Variants in CRPPA observed in about 807,000 individuals in gnomAD.
CRPPA encodes the protein D-ribitol-5-phosphate cytidylyltransferase.
In CRPPA, 43 loss-of-function variants were observed where a neutral mutation model predicts 52.0. The observed-to-expected ratio is 0.83, with a 90% CI of 0.65 to 1.07. The LOEUF is 1.07. Ranked by LOEUF, CRPPA falls within the 50% of genes least tolerant of loss-of-function variation. The pLI, the probability that CRPPA is intolerant of heterozygous loss-of-function variation, is 0.00. For synonymous variants in CRPPA, 250 were observed against 203.5 expected, an observed-to-expected ratio of 1.23 and a Z score of -1.94; for missense variants, 629 against 551.7, an observed-to-expected ratio of 1.14 and a Z score of -1.40.
intron 8 of CRPPA, among the ~76,000 whole-genome samples, chr7:16,241,163 A>G (rs115432940): frequency 0.013 from 1,943 of 152,274 alleles, 49 homozygotes; most frequent in African/African-American, 0.044. Context: ...ATGTGAAAAT[A>G]TCAAGTGTAA....
intron 9 of CRPPA, among the ~76,000 whole-genome samples, chr7:16,099,407 G>A (rs1223149908): frequency 4.3e-4 from 58 of 133,360 alleles, no homozygotes; most frequent in Non-Finnish European, 4.8e-4. Flanking sequence ...AGGAAGGGGA[G>A]GGAAGGGGAG....
At chr7:16,399,415 CAT>C (rs10551933) in intron 2 of CRPPA, among the ~76,000 whole-genome samples, 72,724 of 151,796 alleles carry the variant, frequency 0.48, 18,474 homozygotes, top group African/African-American at 0.64. Flanking sequence ...ACCTTTGTGA[CAT>C]GTGACAAGTG....
chr7:16,102,283 T>A (rs1583356177), intron 9 of CRPPA, among the ~76,000 whole-genome samples: 1 of 152,278 alleles, frequency 6.6e-6, no homozygotes, highest in East Asian at 1.9e-4. Flanking sequence ...GACCCCTTCC[T>A]TATACCTTAT....
intron 8 of CRPPA, chr7:16,216,712 C>G (rs553680499): frequency 1.3e-5 from 2 of 154,576 alleles, no homozygotes; most frequent in African/African-American, 4.8e-5. Context: ...CACTCCCACC[C>G]GAATATTGCG....
intron 1 of CRPPA, among the ~76,000 whole-genome samples, chr7:16,414,403 C>CA (rs1788142930): frequency 1.5e-5 from 2 of 132,764 alleles, no homozygotes; most frequent in African/African-American, 2.7e-5. Context: ...ACACACACAC[C>CA]CCATGACACT....
At chr7:16,282,319 T>C (rs189919458) in intron 5 of CRPPA, among the ~76,000 whole-genome samples, 1 of 152,234 alleles carries the variant, frequency 6.6e-6, no homozygotes, top group African/African-American at 2.4e-5. Context: ...AACATCTAAT[T>C]TCTATTGTGG....
At chr7:16,119,208 T>C (rs929767727) in intron 9 of CRPPA, among the ~76,000 whole-genome samples, 10 of 152,112 alleles carry the variant, frequency 6.6e-5, no homozygotes, top group African/African-American at 2.4e-4. Flanking sequence ...GGAAGGCTAC[T>C]ATGTGCACAG....
At chr7:16,182,755 C>T (rs1781435899) in intron 9 of CRPPA, among the ~76,000 whole-genome samples, 2 of 152,260 alleles carry the variant, frequency 1.3e-5, no homozygotes, top group African/African-American at 4.8e-5. Context: ...AGTTAGAATC[C>T]ACCCAAAGTT....
intron 9 of CRPPA, among the ~76,000 whole-genome samples, chr7:16,193,631 T>A (rs1003420708): frequency 1.8e-4 from 27 of 152,124 alleles, no homozygotes; most frequent in Non-Finnish European, 3.5e-4. Flanking sequence ...TACTTAAGTA[T>A]AAATACCATA....
intron 8 of CRPPA, among the ~76,000 whole-genome samples, chr7:16,232,556 A>G (rs1003136366): frequency 6.6e-6 from 1 of 152,112 alleles, no homozygotes; most frequent in Non-Finnish European, 1.5e-5. Context: ...TAAATTGCCC[A>G]GTTCATGTTA....
chr7:16,419,834 A>G (rs1275949871), intron 1 of CRPPA, among the ~76,000 whole-genome samples: 3 of 152,138 alleles, frequency 2.0e-5, no homozygotes, highest in Non-Finnish European at 4.4e-5. Context: ...CGATCCCGAA[A>G]TGCTCGATTT....
intron 9 of CRPPA, among the ~76,000 whole-genome samples, chr7:16,126,618 T>C (rs958819792): frequency 2.0e-5 from 3 of 152,166 alleles, no homozygotes; most frequent in African/African-American, 7.2e-5. Flanking sequence ...ATATCTAGAA[T>C]TGCATTTGGA....
intron 9 of CRPPA, among the ~76,000 whole-genome samples, chr7:16,116,462 C>A (rs1023849804): frequency 6.6e-6 from 1 of 152,012 alleles, no homozygotes; most frequent in Non-Finnish European, 1.5e-5. Flanking sequence ...GTCAGGCATT[C>A]AAGACCAGCC....
intron 2 of CRPPA, among the ~76,000 whole-genome samples, chr7:16,385,324 A>T (rs1787230255): frequency 6.6e-6 from 1 of 152,174 alleles, no homozygotes. Flanking sequence ...CAAGTAGAAA[A>T]ATCAGAAAAA....
At chr7:16,398,256 C>A (rs947637968) in intron 2 of CRPPA, among the ~76,000 whole-genome samples, 13 of 151,474 alleles carry the variant, frequency 8.6e-5, no homozygotes, top group Non-Finnish European at 1.3e-4. Flanking sequence ...ACACGTGACT[C>A]ACACGTGACC....
intron 1 of CRPPA, among the ~76,000 whole-genome samples, chr7:16,411,329 G>A (rs1344817978): frequency 1.3e-5 from 2 of 152,100 alleles, no homozygotes; most frequent in East Asian, 1.9e-4. Context: ...TGTAAATAAT[G>A]CACCAATACT....
chr7:16,167,248 A>T (rs1427711720), intron 9 of CRPPA, among the ~76,000 whole-genome samples: 1 of 152,066 alleles, frequency 6.6e-6, no homozygotes, highest in Non-Finnish European at 1.5e-5. Flanking sequence ...TTTCATCACC[A>T]ACTTCTCCAA....
chr7:16,241,971 T>TG (rs1284124770), intron 8 of CRPPA, among the ~76,000 whole-genome samples: 96 of 86,058 alleles, frequency 1.1e-3, no homozygotes, highest in South Asian at 3.5e-3. Context: ...TTTTTTTTGT[T>TG]GGGGGGAGAT....
chr7:16,403,461 C>T (rs1398767574), intron 2 of CRPPA, among the ~76,000 whole-genome samples: 2 of 152,098 alleles, frequency 1.3e-5, no homozygotes, highest in African/African-American at 4.8e-5. Flanking sequence ...TAACCCACCC[C>T]TCCCCCTAAA....
Sources: gnomAD v4.1 joint callset for allele counts (sites outside exome capture counted in the v4.1 genomes callset) on GRCh38, gnomAD v4.1.1 for gene constraint, MANE v1.5 for transcripts, NCBI Gene and HGNC (gene_info 2026-07-23, HGNC 2026-07-21) for gene names.